Variants in CLIP2 observed in about 807,000 individuals in gnomAD.
CLIP2 encodes the protein CAP-Gly domain containing linker protein 2.
Under a neutral mutation model 111.7 loss-of-function variants are expected in CLIP2, and 41 were observed. The ratio of observed to expected loss-of-function variants is 0.37; its 90% CI spans 0.29 to 0.48. The LOEUF is 0.48. CLIP2 is among the 20% of genes least tolerant of loss of function. The pLI, the probability that CLIP2 is intolerant of heterozygous loss-of-function variation, is 0.99. For synonymous variants in CLIP2, 660 were observed against 644.2 expected (o/e 1.02, Z -0.37); for missense variants, 1,160 against 1,422.1 (o/e 0.82, Z 2.96).
rs561579148 is a variant in CLIP2, at chr7:74,331,405, G to A, written c.122-7043G>A. 7.9e-5 allele frequency among the ~76,000 whole-genome samples: 12 copies of A among 151,726 alleles called. No homozygotes were observed. In the East Asian group the frequency reaches 1.7e-3, roughly 22 times the overall value. ...CTGAGATATGGAGGATGGTGGAGGA[G>A]CTTTGGCAAGAGCTGAGGAAGGAGG... On this transcript the variant is annotated intron_variant, in intron 2 of 16. Transcript: ENST00000223398.
At chr7:74,371,671 G>A (rs1328984564) in intron 8 of CLIP2, among the ~76,000 whole-genome samples, 1 of 136,340 alleles carries the variant, frequency 7.3e-6, no homozygotes, top group Non-Finnish European at 1.6e-5. Context: ...GAAAAAGAAA[G>A]GAGGGAGAGA....
intron 3 of CLIP2, among the ~76,000 whole-genome samples, chr7:74,349,466 G>GTATA (rs1305261863): frequency 1.3e-5 from 1 of 77,514 alleles, no homozygotes; most frequent in Non-Finnish European, 2.6e-5. Flanking sequence ...GTGTGTGTGT[G>GTATA]TGTGTATATA....
intron 11 of CLIP2, 84 bp from the exon 12 acceptor site, chr7:74,386,437 G>C: frequency 1.0e-5 from 11 of 1,086,402 alleles, no homozygotes; most frequent in Non-Finnish European, 1.5e-5. Flanking sequence ...CCGTCACAGA[G>C]CTCCTGTGGG....
At chr7:74,388,808 C>T (rs1179902506) in intron 12 of CLIP2, 3 of 214,486 alleles carry the variant, frequency 1.4e-5, no homozygotes, top group Non-Finnish European at 2.7e-5. Context: ...AAAAAAAAAA[C>T]CGCCAGGTAT....
At chr7:74,377,499 C>A (rs550947727) in intron 10 of CLIP2, among the ~76,000 whole-genome samples, 1 of 152,226 alleles carries the variant, frequency 6.6e-6, no homozygotes, top group Non-Finnish European at 1.5e-5. Flanking sequence ...GAGGTCAACA[C>A]CCAGGTGGGC....
At chr7:74,325,137 A>G (rs1789074599) in intron 2 of CLIP2, among the ~76,000 whole-genome samples, 1 of 152,214 alleles carries the variant, frequency 6.6e-6, no homozygotes, top group African/African-American at 2.4e-5. Flanking sequence ...GATCTGGCCA[A>G]GGGACAGGGC....
chr7:74,360,798 G>C (rs978517390), intron 7 of CLIP2, among the ~76,000 whole-genome samples: 5 of 152,096 alleles, frequency 3.3e-5, no homozygotes, highest in African/African-American at 9.7e-5. Flanking sequence ...CTATTCACCC[G>C]CCTCGGCCTC....
At chr7:74,364,576 G>C (rs1368906836) in intron 8 of CLIP2, among the ~76,000 whole-genome samples, 1 of 152,188 alleles carries the variant, frequency 6.6e-6, no homozygotes, top group Admixed American at 6.6e-5. Context: ...ATGGGGGGCT[G>C]GGCCCCAGGA....
intron 15 of CLIP2, among the ~76,000 whole-genome samples, chr7:74,400,828 C>T (rs1467770354): frequency 4.0e-5 from 6 of 150,938 alleles, no homozygotes; most frequent in South Asian, 2.1e-4. Flanking sequence ...AGCTCTGTCC[C>T]GGGAACCCCT....
chr7:74,306,550 C>T (rs377188877), intron 1 of CLIP2, among the ~76,000 whole-genome samples: 4 of 152,122 alleles, frequency 2.6e-5, no homozygotes, highest in Admixed American at 6.5e-5. Context: ...CGTCCCCCTC[C>T]GCCGGGGCCC....
chr7:74,319,129 C>T (rs904490422), intron 2 of CLIP2, among the ~76,000 whole-genome samples: 3 of 151,802 alleles, frequency 2.0e-5, no homozygotes, highest in Admixed American at 2.0e-4. Context: ...AGAGAAAATT[C>T]GGGGGATGAG....
At chr7:74,370,609 C>A (rs1357717830) in intron 8 of CLIP2, among the ~76,000 whole-genome samples, 3 of 140,608 alleles carry the variant, frequency 2.1e-5, no homozygotes, top group Non-Finnish European at 4.6e-5. Context: ...CCCCCCACCA[C>A]CACCCCCCTG....
intron 3 of CLIP2, 150 bp from the exon 4 acceptor site, chr7:74,353,730 A>G: frequency 9.8e-7 from 1 of 1,019,498 alleles, no homozygotes; most frequent in Non-Finnish European, 1.5e-6. Flanking sequence ...CATCTCAATC[A>G]TCCTTAGGTG....
At chr7:74,402,818 G>C (rs572910551) in intron 16 of CLIP2, among the ~76,000 whole-genome samples, 1 of 152,304 alleles carries the variant, frequency 6.6e-6, no homozygotes, top group East Asian at 1.9e-4. Flanking sequence ...GCAGGGTTAT[G>C]TGGGCAGAGC....
chr7:74,353,267 T>C (rs1790059762), intron 3 of CLIP2, among the ~76,000 whole-genome samples: 1 of 151,936 alleles, frequency 6.6e-6, no homozygotes, highest in Non-Finnish European at 1.5e-5. Flanking sequence ...TTTTTTTTTT[T>C]TGACTCAGAG....
chr7:74,347,983 C>A (rs1441595496), intron 3 of CLIP2, among the ~76,000 whole-genome samples: 3 of 151,878 alleles, frequency 2.0e-5, no homozygotes, highest in Admixed American at 6.6e-5. Context: ...AGTTCCAGAC[C>A]AGCCTGGCCA....
intron 2 of CLIP2, among the ~76,000 whole-genome samples, chr7:74,323,922 A>G (rs1414107246): frequency 2.0e-5 from 3 of 152,234 alleles, no homozygotes; most frequent in Non-Finnish European, 2.9e-5. Flanking sequence ...CTCAGATGGT[A>G]TCCCCGTCGT....
At position 74,362,528 on chromosome 7, in the gene CLIP2, C is replaced by CTTTTTTTTTTT. The variant is rs3044338; in HGVS notation, c.1320-1719_1320-1709dup. 2.3e-3 allele frequency among the ~76,000 whole-genome samples: 276 copies of CTTTTTTTTTTT among 121,902 alleles called. 2 individuals are homozygous for CTTTTTTTTTTT. Among genetic ancestry groups the CTTTTTTTTTTT allele is most frequent in the Admixed American group, 3.1e-3 (32 of 10,386 alleles). 80.0% of individuals were successfully genotyped at this position (121,902 alleles called of 152,430 possible). Reference sequence around the variant, plus strand: ...ACAGATCTTTTTTTCTTTTTCTTTTCTTTTTTTTTTTTTTTTTTGTTTCTT... The same window carrying CTTTTTTTTTTT: ...ACAGATCTTTTTTTCTTTTTCTTTTCTTTTTTTTTTTTTTTTTTTTTTTTTTTTTGTTTCTT... On this transcript the variant is annotated intron_variant, in intron 7 of 16. Coordinates refer to ENST00000223398, the MANE Select transcript of CLIP2 (RefSeq NM_003388.5).
chr7:74,359,558 T>C (rs559462043), intron 6 of CLIP2, among the ~76,000 whole-genome samples: 1 of 152,056 alleles, frequency 6.6e-6, no homozygotes, highest in Non-Finnish European at 1.5e-5. Context: ...GGTTTCACCA[T>C]GTTAGCCAGG....
Sources: gnomAD v4.1 joint callset for allele counts (sites outside exome capture counted in the v4.1 genomes callset) on GRCh38, gnomAD v4.1.1 for gene constraint, MANE v1.5 for transcripts, NCBI Gene and HGNC (gene_info 2026-07-23, HGNC 2026-07-21) for gene names.